Variants in DLGAP2 observed in about 807,000 individuals in gnomAD.
DLGAP2 encodes the protein disks large-associated protein 2.
In DLGAP2, 26 loss-of-function variants were observed where a neutral mutation model predicts 100.3. That is an observed-to-expected ratio of 0.26 (90% CI 0.19 to 0.36). The LOEUF is 0.36. Ranked by LOEUF, DLGAP2 falls within the 10% of genes least tolerant of loss-of-function variation. The pLI is 1.00. For missense variants in DLGAP2, 1,858 were observed against 1,453.2 expected (o/e 1.28, Z -4.53); for synonymous variants, 886 against 630.1 (o/e 1.41, Z -6.08).
chr8:1,470,492 C>G (rs187346237), intron 3 of DLGAP2, among the ~76,000 whole-genome samples: 1 of 152,276 alleles, frequency 6.6e-6, no homozygotes, highest in East Asian at 1.9e-4. Flanking sequence ...CTTCTGAATA[C>G]TTTCACAGAA....
At chr8:880,661 T>C (rs1797771181) in intron 1 of DLGAP2, among the ~76,000 whole-genome samples, 1 of 150,360 alleles carries the variant, frequency 6.7e-6, no homozygotes, top group African/African-American at 2.5e-5. Context: ...GGGGAGACTT[T>C]ATAGGTGGGT....
At chr8:1,697,389 T>C in intron 14 of DLGAP2, 90 bp downstream of exon 14, 1 of 1,490,044 alleles carries the variant, frequency 6.7e-7, no homozygotes, top group East Asian at 2.3e-5. Context: ...ACAACGGGGT[T>C]CTCAGTCTTT....
chr8:1,592,293 G>A (rs1401447310), intron 6 of DLGAP2, among the ~76,000 whole-genome samples: 1 of 152,120 alleles, frequency 6.6e-6, no homozygotes, highest in African/African-American at 2.4e-5. Context: ...GATTATGTTC[G>A]ATTATGTTCA....
chr8:1,188,671 C>A (rs1013980949), intron 2 of DLGAP2, among the ~76,000 whole-genome samples: 1 of 152,076 alleles, frequency 6.6e-6, no homozygotes, highest in African/African-American at 2.4e-5. Context: ...CCCAGCACTC[C>A]GGGGGCAGGA....
At chr8:1,484,311 T>A (rs1799183738) in intron 3 of DLGAP2, among the ~76,000 whole-genome samples, 1 of 152,258 alleles carries the variant, frequency 6.6e-6, no homozygotes, top group African/African-American at 2.4e-5. Context: ...TGGCCTTGAT[T>A]TCCAGAATTC....
rs868628271 is a variant in DLGAP2 at position 1,352,125 on chromosome 8, G to A, written c.106+93242G>A. On this transcript the variant is annotated intron_variant, in intron 3 of 14. Coordinates refer to ENST00000637795, the MANE Select transcript of DLGAP2 (RefSeq NM_001346810.2). The stretch of plus-strand genomic sequence containing the variant: ...TGCGGGTCCTGAGTGTGTGTGGAAC[G>A]GCCGTGCGGGTCCTGACTGTGTGTG... Among the ~76,000 whole-genome samples, 10 of 83,846 alleles carry A rather than the reference G, an allele frequency of 1.2e-4. 1 individual carries two copies. Among genetic ancestry groups the A allele is most frequent in the Admixed American group, 9.9e-4 (8 of 8,110 alleles). 55.0% of individuals were successfully genotyped at this position (83,846 alleles called of 152,430 possible).
chr8:1,523,314 G>C (rs188387482), intron 4 of DLGAP2, among the ~76,000 whole-genome samples: 1 of 152,234 alleles, frequency 6.6e-6, no homozygotes, highest in East Asian at 1.9e-4. Context: ...CAAGACACAC[G>C]ACAGAGAACA....
intron 4 of DLGAP2, among the ~76,000 whole-genome samples, chr8:1,506,261 C>G (rs1225342651): frequency 6.6e-6 from 1 of 152,156 alleles, no homozygotes; most frequent in Non-Finnish European, 1.5e-5. Context: ...CCAGCTCTAC[C>G]TATACTTGTC....
chr8:1,107,323 G>A (rs2600483), intron 2 of DLGAP2, among the ~76,000 whole-genome samples: 12,266 of 152,164 alleles, frequency 0.081, 1,441 homozygotes, highest in African/African-American at 0.26. Context: ...GGGCTGGGAG[G>A]CTGGGCTGGC....
chr8:1,344,114 T>TTCGGGGCCCTGTCGTGGGTCCGTGTAC (rs1585280015), intron 3 of DLGAP2, among the ~76,000 whole-genome samples: 4,774 of 36,826 alleles, frequency 0.13, 612 homozygotes, highest in African/African-American at 0.25. Flanking sequence ...GGTCCATGTA[T>TTCGGGGCCCTGTCGTGGGTCCGTGTAC]TCGGGGCCCT....
intron 2 of DLGAP2, among the ~76,000 whole-genome samples, chr8:977,820 TGTTGTGGG>T (rs1471456859): frequency 4.8e-5 from 3 of 63,100 alleles, no homozygotes; most frequent in African/African-American, 1.5e-4. Flanking sequence ...TGGTCTTTGG[TGTTGTGGG>T]GAGGGCGTCG....
chr8:958,214 T>A (rs1233232118), intron 2 of DLGAP2, among the ~76,000 whole-genome samples: 1 of 152,248 alleles, frequency 6.6e-6, no homozygotes, highest in Non-Finnish European at 1.5e-5. Flanking sequence ...GTGTCAGAAC[T>A]GCATTCCTTT....
intron 3 of DLGAP2, among the ~76,000 whole-genome samples, chr8:1,303,420 A>AAAAAAAAG (rs1800411936): frequency 6.1e-5 from 9 of 146,644 alleles, no homozygotes; most frequent in African/African-American, 1.3e-4. Flanking sequence ...AAAAAAAAAA[A>AAAAAAAAG]AAAAAAAGGA....
At chr8:1,020,633 C>T (rs1012630067) in intron 2 of DLGAP2, among the ~76,000 whole-genome samples, 4 of 152,204 alleles carry the variant, frequency 2.6e-5, no homozygotes, top group African/African-American at 9.6e-5. Context: ...TGGTGGTGAG[C>T]ACACTGGGAC....
At chr8:1,187,066 G>C (rs1043932030) in intron 2 of DLGAP2, among the ~76,000 whole-genome samples, 1 of 152,222 alleles carries the variant, frequency 6.6e-6, no homozygotes, top group African/African-American at 2.4e-5. Flanking sequence ...TGGAAGGGCT[G>C]TTCTGAGCAG....
At chr8:858,563 T>TGCTGTCACCGTGGGGACATGTGTGAC (rs1563066845) in intron 1 of DLGAP2, among the ~76,000 whole-genome samples, 9 of 151,226 alleles carry the variant, frequency 6.0e-5, no homozygotes, top group African/African-American at 1.9e-4. Flanking sequence ...ACATGTGTGA[T>TGCTGTCACCGTGGGGACATGTGTGAC]GCTGTCACCG....
intron 2 of DLGAP2, among the ~76,000 whole-genome samples, chr8:1,218,531 C>T (rs61431071): frequency 0.23 from 34,567 of 151,650 alleles, 5,254 homozygotes; most frequent in African/African-American, 0.43. Context: ...GTTTTGGTTA[C>T]TGTAGTTTTA....
In DLGAP2 at chr8:910,535, A is replaced by G. The variant is rs560493547; in HGVS notation, c.73+2569A>G. The G allele has an allele frequency of 3.3e-5, 5 of 152,338 alleles. No homozygotes were observed. The South Asian group carries it at 1.0e-3, about 32-fold the overall frequency. The allele number at this position is 152,338 out of a possible 1,614,324, so 9.4% of individuals were successfully genotyped here. On this transcript the variant is annotated intron_variant, in intron 2 of 14. Transcript: ENST00000637795. ...TTCATGAAGGCACAAACGTGAATAC[A>G]TATGTGACTTTTAAGCCTTTAAATA... is the stretch of plus-strand genomic sequence containing the variant.
intron 3 of DLGAP2, among the ~76,000 whole-genome samples, chr8:1,323,170 C>T (rs562589005): frequency 3.9e-5 from 6 of 151,996 alleles, no homozygotes; most frequent in Non-Finnish European, 8.8e-5. Context: ...GCTGGGACTA[C>T]AGGCACCAGC....
Sources: allele counts gnomAD v4.1 joint callset (sites outside exome capture counted in the v4.1 genomes callset), GRCh38; gene constraint gnomAD v4.1.1; transcripts MANE v1.5; gene names NCBI Gene and HGNC (gene_info 2026-07-23, HGNC 2026-07-21).